Variants in CSMD3 observed in about 807,000 individuals in gnomAD.
The protein encoded by CSMD3 is CUB and sushi domain-containing protein 3.
CSMD3 carries 177 observed loss-of-function variants against 435.2 expected under a neutral mutation model. The ratio of observed to expected loss-of-function variants is 0.41; its 90% CI spans 0.36 to 0.46. The LOEUF (loss-of-function observed/expected upper bound fraction) is 0.46. Among genes scored for constraint, CSMD3 ranks in the 20% least tolerant of loss-of-function variants. CSMD3 has a pLI of 0.34. For missense variants in CSMD3, 4,265 were observed against 4,504.6 expected (o/e 0.95, Z 1.52); for synonymous variants, 1,656 against 1,520.5 (o/e 1.09, Z -2.07).
At chr8:112,970,467 G>T in intron 7 of CSMD3, among the ~76,000 whole-genome samples, 1 of 149,100 alleles carries the variant, frequency 6.7e-6, no homozygotes, top group Non-Finnish European at 1.5e-5. Context: ...TTATTCTGAT[G>T]AATTTACAAA....
At chr8:112,646,160 G>GA (rs1408768045) in intron 19 of CSMD3, among the ~76,000 whole-genome samples, 6 of 152,126 alleles carry the variant, frequency 3.9e-5, no homozygotes, top group Non-Finnish European at 5.9e-5. Flanking sequence ...TATGATGAAT[G>GA]AAATGTCTAC....
chr8:113,270,202 T>C (rs1007581510), intron 3 of CSMD3, among the ~76,000 whole-genome samples: 13 of 151,780 alleles, frequency 8.6e-5, no homozygotes, highest in Admixed American at 7.2e-4. Context: ...AACAGACACA[T>C]GAAAAAATGC....
intron 5 of CSMD3, among the ~76,000 whole-genome samples, chr8:113,041,057 T>C (rs1043315442): frequency 6.6e-6 from 1 of 151,612 alleles, no homozygotes; most frequent in Non-Finnish European, 1.5e-5. Flanking sequence ...TACAAAAAAA[T>C]TGGCCACACG....
At chr8:113,347,656 T>C (rs971474498) in intron 1 of CSMD3, among the ~76,000 whole-genome samples, 2 of 152,112 alleles carry the variant, frequency 1.3e-5, no homozygotes, top group African/African-American at 4.8e-5. Flanking sequence ...TGTCACTGAA[T>C]TGGCTTTCAC....
intron 10 of CSMD3, among the ~76,000 whole-genome samples, chr8:112,874,660 C>T (rs777066918): frequency 6.6e-6 from 1 of 152,038 alleles, no homozygotes; most frequent in Non-Finnish European, 1.5e-5. Context: ...ATGTAATGTC[C>T]TTCTTTGTCT....
chr8:112,556,578 A>AT (rs1828137456), intron 25 of CSMD3, among the ~76,000 whole-genome samples, 185 bp downstream of exon 25: 1 of 152,006 alleles, frequency 6.6e-6, no homozygotes, highest in South Asian at 2.1e-4. Context: ...AATAATGAAT[A>AT]AAGTTATGAA....
intron 9 of CSMD3, among the ~76,000 whole-genome samples, chr8:112,926,255 TGTGAGC>T (rs1240087206): frequency 6.6e-6 from 1 of 151,638 alleles, no homozygotes; most frequent in East Asian, 1.9e-4. Context: ...TGTGTGTGTG[TGTGAGC>T]GTGTGTGTGT....
intron 1 of CSMD3, among the ~76,000 whole-genome samples, chr8:113,372,674 C>A (rs1189472952): frequency 6.6e-6 from 1 of 152,134 alleles, no homozygotes; most frequent in African/African-American, 2.4e-5. Context: ...TGGCTCACGC[C>A]TGTAATCCCA....
chr8:112,566,113 A>C (rs1460225773), intron 24 of CSMD3, among the ~76,000 whole-genome samples: 1 of 151,608 alleles, frequency 6.6e-6, no homozygotes, highest in East Asian at 1.9e-4. Context: ...AATATATATA[A>C]ATATATAACA....
At chr8:113,206,090 G>A (rs2092767959) in intron 3 of CSMD3, among the ~76,000 whole-genome samples, 2 of 152,016 alleles carry the variant, frequency 1.3e-5, no homozygotes, top group South Asian at 2.1e-4. Flanking sequence ...AGTTGTAATG[G>A]ATGGAAACTA....
At chr8:112,407,654 A>T (rs1563908671) in intron 34 of CSMD3, among the ~76,000 whole-genome samples, 1 of 152,050 alleles carries the variant, frequency 6.6e-6, no homozygotes, top group South Asian at 2.1e-4. Flanking sequence ...GTTTAATAGG[A>T]ATAACAAATC....
chr8:113,080,010 T>C (rs1249136456), intron 5 of CSMD3, among the ~76,000 whole-genome samples: 1 of 152,174 alleles, frequency 6.6e-6, no homozygotes. Flanking sequence ...TGAACTTGCA[T>C]GGCACCTTCT....
chr8:112,301,514 GCA>G (rs920365921), intron 53 of CSMD3, among the ~76,000 whole-genome samples: 3 of 152,050 alleles, frequency 2.0e-5, no homozygotes, highest in African/African-American at 7.2e-5. Flanking sequence ...AGCTGAGTAA[GCA>G]GGCATACAGT....
At chr8:113,342,797 C>G (rs1351886324) in intron 1 of CSMD3, among the ~76,000 whole-genome samples, 2 of 151,832 alleles carry the variant, frequency 1.3e-5, no homozygotes, top group Non-Finnish European at 2.9e-5. Flanking sequence ...AAAATGCCTT[C>G]TAAGTCAAGA....
At chr8:112,898,309 A>G (rs956915157) in intron 10 of CSMD3, among the ~76,000 whole-genome samples, 1 of 151,190 alleles carries the variant, frequency 6.6e-6, no homozygotes, top group Non-Finnish European at 1.5e-5. Context: ...AATTATGCTT[A>G]GCTTGCTGAT....
intron 3 of CSMD3, among the ~76,000 whole-genome samples, chr8:113,254,781 CTGTTT>C (rs1283493757): frequency 1.3e-5 from 2 of 152,038 alleles, no homozygotes; most frequent in African/African-American, 4.8e-5. Flanking sequence ...TCTGGAAATT[CTGTTT>C]TATCTGAAAC....
intron 36 of CSMD3, among the ~76,000 whole-genome samples, chr8:112,389,570 C>T (rs1830242211): frequency 6.6e-6 from 1 of 152,136 alleles, no homozygotes; most frequent in Non-Finnish European, 1.5e-5. Flanking sequence ...ACTCCCAACA[C>T]CTGTCAAGTA....
intron 3 of CSMD3, among the ~76,000 whole-genome samples, chr8:113,246,066 T>G (rs985422262): frequency 6.6e-6 from 1 of 152,126 alleles, no homozygotes; most frequent in African/African-American, 2.4e-5. Flanking sequence ...ATTTGTAATT[T>G]ATCTGCTTGT....
chr8:112,412,848 A>G (rs886610104), intron 32 of CSMD3, among the ~76,000 whole-genome samples: 12 of 152,160 alleles, frequency 7.9e-5, no homozygotes, highest in African/African-American at 2.9e-4. Flanking sequence ...CTTTAACTCT[A>G]TTAATTATAT....
Sources: allele counts gnomAD v4.1 joint callset (sites outside exome capture counted in the v4.1 genomes callset), GRCh38; gene constraint gnomAD v4.1.1; transcripts MANE v1.5; gene names NCBI Gene and HGNC (gene_info 2026-07-23, HGNC 2026-07-21).